Variants in TBC1D4 observed in about 807,000 individuals in gnomAD.
The protein encoded by TBC1D4 is TBC (Tre-2, BUB2, CDC16) domain-containing protein.
A neutral mutation model predicts 142.5 loss-of-function variants in TBC1D4; 121 were observed. That is an observed-to-expected ratio of 0.85 (90% CI 0.73 to 0.99). TBC1D4 has a LOEUF of 0.99. Among genes scored for constraint, TBC1D4 ranks in the 50% least tolerant of loss-of-function variants. The probability of loss-of-function intolerance (pLI) is 0.00; values close to 1 mark genes in which losing one functional copy is unlikely to be tolerated. For synonymous variants in TBC1D4, 630 were observed against 628.2 expected (o/e 1.00, Z -0.04); for missense variants, 1,475 against 1,606.6 (o/e 0.92, Z 1.40).
chr13:75,439,419 T>G (rs1593886716), intron 1 of TBC1D4, among the ~76,000 whole-genome samples: 2 of 152,192 alleles, frequency 1.3e-5, no homozygotes, highest in East Asian at 3.9e-4. Context: ...CTTTCTCTAA[T>G]GCAAATCGTA....
At chr13:75,456,818 A>G (rs1437832213) in intron 1 of TBC1D4, among the ~76,000 whole-genome samples, 3 of 151,202 alleles carry the variant, frequency 2.0e-5, no homozygotes, top group Admixed American at 1.3e-4. Context: ...ATGATAGCCT[A>G]CGTCCACCAA....
intron 13 of TBC1D4, among the ~76,000 whole-genome samples, chr13:75,311,687 C>T (rs1014824085): frequency 2.6e-5 from 4 of 152,140 alleles, no homozygotes; most frequent in Non-Finnish European, 5.9e-5. Context: ...TTTCTATTCC[C>T]AAACACATGT....
chr13:75,383,189 G>T (rs144913823), intron 1 of TBC1D4, among the ~76,000 whole-genome samples: 24 of 152,244 alleles, frequency 1.6e-4, no homozygotes, highest in African/African-American at 5.8e-4. Context: ...AGGGAGTGGT[G>T]GTGAGCACTT....
intron 1 of TBC1D4, among the ~76,000 whole-genome samples, chr13:75,373,277 T>TC (rs1883316614): frequency 6.6e-6 from 1 of 152,240 alleles, no homozygotes; most frequent in South Asian, 2.1e-4. Flanking sequence ...AACAGATTAT[T>TC]CACCTTGCAG....
intron 1 of TBC1D4, among the ~76,000 whole-genome samples, chr13:75,471,156 AAT>A (rs66849176): frequency 3.3e-5 from 5 of 150,308 alleles, no homozygotes; most frequent in Admixed American, 6.6e-5. Context: ...TTAATTTTTA[AAT>A]ATATATATAT....
At chr13:75,433,747 A>G (rs891821356) in intron 1 of TBC1D4, among the ~76,000 whole-genome samples, 1 of 152,226 alleles carries the variant, frequency 6.6e-6, no homozygotes, top group African/African-American at 2.4e-5. Context: ...TGAATGCGAA[A>G]AAATATTTGC....
chr13:75,359,955 A>T (rs1882366314), intron 2 of TBC1D4, 97 bp from the exon 3 acceptor site: 1 of 960,814 alleles, frequency 1.0e-6, no homozygotes, highest in African/African-American at 1.6e-5. Flanking sequence ...ATTCAAATGC[A>T]ATATCCCAGA....
chr13:75,336,519 C>T (rs1269141192), intron 8 of TBC1D4, among the ~76,000 whole-genome samples: 1 of 152,134 alleles, frequency 6.6e-6, no homozygotes, highest in African/African-American at 2.4e-5. Flanking sequence ...AACAGCCTGA[C>T]CAACATGGTA....
At chr13:75,307,631 C>T (rs927006213) in intron 14 of TBC1D4, among the ~76,000 whole-genome samples, 1 of 152,174 alleles carries the variant, frequency 6.6e-6, no homozygotes, top group Non-Finnish European at 1.5e-5. Flanking sequence ...ACAAAAACAA[C>T]AGCAGAATGA....
At chr13:75,319,692 C>T (rs577020901) in intron 12 of TBC1D4, among the ~76,000 whole-genome samples, 2 of 152,146 alleles carry the variant, frequency 1.3e-5, no homozygotes, top group East Asian at 1.9e-4. Context: ...CACATATGTA[C>T]CCCCTAACTA....
At chr13:75,437,388 T>C (rs1886842818) in intron 1 of TBC1D4, among the ~76,000 whole-genome samples, 1 of 152,172 alleles carries the variant, frequency 6.6e-6, no homozygotes, top group Non-Finnish European at 1.5e-5. Flanking sequence ...TGTGAGAGAA[T>C]TATAAGGCAA....
intron 1 of TBC1D4, among the ~76,000 whole-genome samples, chr13:75,401,362 C>T (rs1449755725): frequency 6.6e-6 from 1 of 152,180 alleles, no homozygotes; most frequent in Non-Finnish European, 1.5e-5. Context: ...TTCAATTTGT[C>T]AGTAAGAACT....
chr13:75,467,271 G>T (rs550941627), intron 1 of TBC1D4, among the ~76,000 whole-genome samples: 1 of 152,250 alleles, frequency 6.6e-6, no homozygotes, highest in African/African-American at 2.4e-5. Context: ...TTTCATATTT[G>T]CCTTTTGCCT....
chr13:75,284,962 C>T lies in TBC1D4; in HGVS notation c.*1830G>A, dbSNP rs920835552. ...CCCCAACAGATTCCTTGGCTACCAT[C>T]GGTGCATCACACCCATAAAGTAATT... On this transcript the variant is annotated 3_prime_UTR_variant, in exon 21 of 21. Transcript: ENST00000377636. 22 of 152,068 alleles carry T rather than the reference C, an allele frequency of 1.4e-4. 1 individual carries two copies. Among genetic ancestry groups the T allele is most frequent in the Non-Finnish European group, 2.5e-4 (17 of 68,024 alleles). 9.4% of individuals were successfully genotyped at this position (152,068 alleles called of 1,614,324 possible). A position where few individuals can be genotyped will look rare whatever the true frequency, so the allele number is the denominator to read the frequency against.
At position 75,306,426 on chromosome 13, in the gene TBC1D4, T is replaced by G; in HGVS notation, c.2639A>C (p.Glu880Ala). Residue 880 changes from glutamate (E) to alanine (A), a missense_variant, in exon 15 of 21, where the codon GAA (glutamate) becomes GCA (alanine). By Grantham distance (107) the Glu-to-Ala change is moderately radical (BLOSUM62 -1). This residue lies in a region of TBC1D4 where 1,227 missense variants were observed against 1,267.7 expected (regional missense o/e 0.97). Transcript: ENST00000377636. ...CTCTTTCTGACATGCACCAACTTCT[T>G]CATAGTCTAATTTAACTTTTCTGGA... ...LQSRKVKLDY[E>A]EVGACQKEVL... 6.2e-7 allele frequency: 1 copy of G among 1,613,478 alleles called. No homozygotes were observed. Among genetic ancestry groups the G allele is most frequent in the Non-Finnish European group, 8.5e-7 (1 of 1,179,878 alleles).
chr13:75,368,149 T>A (rs932808694), intron 1 of TBC1D4, among the ~76,000 whole-genome samples: 20 of 152,174 alleles, frequency 1.3e-4, no homozygotes, highest in African/African-American at 4.8e-4. Flanking sequence ...GAGTCTAGAT[T>A]CAAAATAGAA....
chr13:75,380,226 C>CT (rs1217390521), intron 1 of TBC1D4, among the ~76,000 whole-genome samples: 2 of 151,214 alleles, frequency 1.3e-5, no homozygotes, highest in South Asian at 2.1e-4. Flanking sequence ...AATCCCAGAA[C>CT]TTTGGGAGGC....
intron 1 of TBC1D4, among the ~76,000 whole-genome samples, chr13:75,423,860 G>C (rs1401352672): frequency 6.6e-6 from 1 of 152,196 alleles, no homozygotes; most frequent in African/African-American, 2.4e-5. Flanking sequence ...AATGGGTACA[G>C]AGTTTCAGTT....
chr13:75,319,956 T>A (rs2137977829), intron 12 of TBC1D4, 58 bp downstream of exon 12: 3 of 1,579,988 alleles, frequency 1.9e-6, no homozygotes, highest in Middle Eastern at 3.3e-4. Flanking sequence ...AAGGATGATG[T>A]TCAGTTGGAA....
Sources: gnomAD v4.1 joint callset for allele counts (sites outside exome capture counted in the v4.1 genomes callset) on GRCh38, gnomAD v4.1.1 for gene constraint, gnomAD v4.1.1 regional missense constraint, MANE v1.5 for transcripts, NCBI Gene and HGNC (gene_info 2026-07-23, HGNC 2026-07-21) for gene names.